Variants in GRIK1 observed in about 807,000 individuals in gnomAD.
GRIK1 encodes glutamate receptor ionotropic, kainate 1.
GRIK1 carries 69 observed loss-of-function variants against 105.7 expected under a neutral mutation model. That is an observed-to-expected ratio of 0.65 (90% confidence interval 0.54 to 0.80). The LOEUF is 0.80. GRIK1 is among the 30% of genes least tolerant of loss of function. The pLI, the probability that GRIK1 is intolerant of heterozygous loss-of-function variation, is 0.00. For synonymous variants in GRIK1, 438 were observed against 431.3 expected (o/e 1.02, Z -0.19); for missense variants, 1,109 against 1,167.3 (o/e 0.95, Z 0.73).
intron 1 of GRIK1, among the ~76,000 whole-genome samples, chr21:29,763,166 C>T (rs1027814169): frequency 3.3e-5 from 5 of 152,072 alleles, no homozygotes; most frequent in African/African-American, 9.7e-5. Context: ...GGTGGTTCCC[C>T]CATGCTGTTC....
chr21:29,831,999 TACAC>T (rs886138156), intron 1 of GRIK1, among the ~76,000 whole-genome samples: 3 of 152,188 alleles, frequency 2.0e-5, no homozygotes, highest in African/African-American at 7.2e-5. Context: ...GCATTGGGTA[TACAC>T]ACACATTCCA....
rs35378548 is a variant in GRIK1, at chr21:29,709,278, CT to C, written c.119-15216del. Among the ~76,000 whole-genome samples the C allele has an allele frequency of 9.3e-3, 1,185 of 127,890 alleles. 6 individuals are homozygous for C. Among genetic ancestry groups the C allele is most frequent in the African/African-American group, 0.025 (849 of 34,602 alleles). The allele number at this position is 127,890 out of a possible 152,430, so 83.9% of individuals were successfully genotyped here. ...TCTATAGGATCCATTTACTCTTCTTCTTTTTTTTTTTTTTTTTTTTGAGACA... is the reference window on the plus strand; with the variant it reads ...TCTATAGGATCCATTTACTCTTCTTCTTTTTTTTTTTTTTTTTTTGAGACA... On this transcript the variant is annotated intron_variant, in intron 1 of 17. Transcript: ENST00000327783.
intron 14 of GRIK1, among the ~76,000 whole-genome samples, chr21:29,570,074 G>C (rs1305096928): frequency 6.6e-6 from 1 of 152,172 alleles, no homozygotes; most frequent in Non-Finnish European, 1.5e-5. Context: ...AGGAAATCCT[G>C]TACTGTTCAG....
chr21:29,885,872 G>T (rs1235167203), intron 1 of GRIK1, among the ~76,000 whole-genome samples: 1 of 152,050 alleles, frequency 6.6e-6, no homozygotes, highest in African/African-American at 2.4e-5. Flanking sequence ...CGTTTAAATT[G>T]CTGCTTCTCC....
intron 1 of GRIK1, among the ~76,000 whole-genome samples, chr21:29,799,790 T>A (rs1317024589): frequency 1.3e-5 from 2 of 152,112 alleles, no homozygotes; most frequent in Non-Finnish European, 2.9e-5. Flanking sequence ...TTAGCCTCCC[T>A]CCCAAAGTGC....
At chr21:29,551,094 A>G (rs781671918) in intron 16 of GRIK1, among the ~76,000 whole-genome samples, 2 of 152,204 alleles carry the variant, frequency 1.3e-5, no homozygotes, top group Non-Finnish European at 2.9e-5. Context: ...TGGTCTGTCA[A>G]GATGCTGTGG....
intron 1 of GRIK1, among the ~76,000 whole-genome samples, chr21:29,846,981 T>C (rs8132075): frequency 1.3e-5 from 2 of 152,210 alleles, no homozygotes; most frequent in African/African-American, 4.8e-5. Context: ...AGTAACAGTA[T>C]GGCATAAAAT....
At chr21:29,766,123 A>G (rs1045023876) in intron 1 of GRIK1, among the ~76,000 whole-genome samples, 1 of 152,126 alleles carries the variant, frequency 6.6e-6, no homozygotes, top group Admixed American at 6.5e-5. Context: ...TGCTGGGATT[A>G]CAGGCATGAG....
chr21:29,577,362 A>G (rs1313590850), intron 13 of GRIK1, among the ~76,000 whole-genome samples, 181 bp from the exon 14 acceptor site: 1 of 152,220 alleles, frequency 6.6e-6, no homozygotes, highest in African/African-American at 2.4e-5. Context: ...CAAATCATTA[A>G]TCACTACTAT....
chr21:29,939,333 G>A, intron 1 of GRIK1, 50 bp downstream of exon 1: 4 of 1,109,164 alleles, frequency 3.6e-6, no homozygotes, highest in Non-Finnish European at 5.4e-6. Context: ...ACCCGCGTTG[G>A]TGCGGCGACC....
intron 1 of GRIK1, among the ~76,000 whole-genome samples, chr21:29,851,949 G>A (rs468192): frequency 0.32 from 48,892 of 151,960 alleles, 8,546 homozygotes; most frequent in East Asian, 0.46. Flanking sequence ...CTACCATTCC[G>A]TTCACTTACT....
chr21:29,773,250 G>A (rs922380524), intron 1 of GRIK1, among the ~76,000 whole-genome samples: 12 of 152,204 alleles, frequency 7.9e-5, no homozygotes, highest in African/African-American at 2.9e-4. Flanking sequence ...AGAGGACTGG[G>A]AGAAGATAAA....
intron 7 of GRIK1, chr21:29,630,694 C>T (rs868692094): frequency 4.8e-6 from 2 of 418,482 alleles, no homozygotes; most frequent in Middle Eastern, 4.1e-4. Context: ...GCAAATTTGT[C>T]CAGACTTCTC....
At chr21:29,731,333 A>G (rs2064620919) in intron 1 of GRIK1, among the ~76,000 whole-genome samples, 1 of 152,152 alleles carries the variant, frequency 6.6e-6, no homozygotes, top group South Asian at 2.1e-4. Context: ...TCCCCAAAAA[A>G]CTGTTGCCAT....
At chr21:29,839,746 T>G (rs1411659326) in intron 1 of GRIK1, among the ~76,000 whole-genome samples, 1 of 152,038 alleles carries the variant, frequency 6.6e-6, no homozygotes, top group Admixed American at 6.6e-5. Flanking sequence ...CTAGAAGAAT[T>G]TAGGGTAAAT....
rs1330930574 is a variant in GRIK1, at chr21:29,574,945, C to T, written c.2130+2019G>A. 5.3e-5 allele frequency among the ~76,000 whole-genome samples: 8 copies of T among 152,060 alleles called. No homozygotes were observed. The East Asian group carries it at 7.7e-4, about 15-fold the overall frequency. On this transcript the variant is annotated intron_variant, in intron 14 of 17. Transcript: ENST00000327783. ...TCCTGACCTCGTGATCCGCCCGCCT[C>T]GGCCTCCCAAAGTGCTGGGATTACA... is the stretch of plus-strand genomic sequence containing the variant.
intron 1 of GRIK1, among the ~76,000 whole-genome samples, chr21:29,743,436 C>T (rs2064976147): frequency 6.6e-6 from 1 of 152,154 alleles, no homozygotes; most frequent in African/African-American, 2.4e-5. Flanking sequence ...TGGCTCACTC[C>T]TGTAATCCCA....
intron 1 of GRIK1, among the ~76,000 whole-genome samples, chr21:29,914,407 C>T (rs1197872564): frequency 1.3e-5 from 2 of 152,056 alleles, no homozygotes; most frequent in African/African-American, 2.4e-5. Flanking sequence ...AGAAATTCTT[C>T]CTCCTTCTCC....
intron 1 of GRIK1, among the ~76,000 whole-genome samples, chr21:29,777,099 C>T (rs527409979): frequency 6.6e-6 from 1 of 152,210 alleles, no homozygotes; most frequent in Non-Finnish European, 1.5e-5. Context: ...GAATCCAATT[C>T]TCAGGCCCCA....
Sources: gnomAD v4.1 joint callset for allele counts (sites outside exome capture counted in the v4.1 genomes callset) on GRCh38, gnomAD v4.1.1 for gene constraint, MANE v1.5 for transcripts, NCBI Gene and HGNC (gene_info 2026-07-23, HGNC 2026-07-21) for gene names.